The following TEX11 variants were observed in gnomAD, a reference collection of about 807,000 sequenced individuals.
TEX11 encodes testis expressed 11.
TEX11 carries 7 observed loss-of-function variants against 84.4 expected under a neutral mutation model. The ratio of observed to expected loss-of-function variants is 0.08; its 90% CI spans 0.05 to 0.16. The LOEUF is 0.16. Ranked by LOEUF, TEX11 falls within the 10% of genes least tolerant of loss-of-function variation. TEX11 has a pLI of 1.00. For synonymous variants in TEX11, 264 were observed against 222.8 expected (o/e 1.18, Z -1.64); for missense variants, 551 against 660.5 (o/e 0.83, Z 1.82).
chrX:70,875,926 A>G (rs747911284), intron 3 of TEX11, among the ~76,000 whole-genome samples: 1 of 112,008 alleles, frequency 8.9e-6, no homozygotes, highest in South Asian at 3.7e-4. Flanking sequence ...AACTTCAATA[A>G]AATATTGGAT....
chrX:70,872,707 C>T (rs190129959), intron 4 of TEX11, among the ~76,000 whole-genome samples: 1 of 111,987 alleles, frequency 8.9e-6, no homozygotes, highest in East Asian at 2.8e-4. Flanking sequence ...TTGTTGTTTG[C>T]TCTCACAGGT....
At chrX:70,777,899 A>G (rs1171768153) in intron 9 of TEX11, among the ~76,000 whole-genome samples, 1 of 112,010 alleles carries the variant, frequency 8.9e-6, no homozygotes, top group Non-Finnish European at 1.9e-5. Flanking sequence ...GTCCTTACTT[A>G]TCAATAATTA....
At chrX:70,566,492 A>T (rs1327198480) in intron 25 of TEX11, among the ~76,000 whole-genome samples, 1 of 110,889 alleles carries the variant, frequency 9.0e-6, no homozygotes, top group Non-Finnish European at 1.9e-5. Flanking sequence ...CAGTTTTCAA[A>T]GGGAATGCTT....
chrX:70,732,595 A>G (rs1182263440), intron 11 of TEX11, among the ~76,000 whole-genome samples: 6 of 111,671 alleles, frequency 5.4e-5, no homozygotes. Flanking sequence ...AACTTACAAA[A>G]GACATGAAGG....
At chrX:70,873,370 A>G (rs984623761) in intron 3 of TEX11, 63 bp from the exon 4 acceptor site, 1 of 764,430 alleles carries the variant, frequency 1.3e-6, no homozygotes. Flanking sequence ...CGGTATTTTC[A>G]TTCTTGAATG....
intron 2 of TEX11, among the ~76,000 whole-genome samples, chrX:70,888,483 A>G (rs1252093260): frequency 1.8e-5 from 2 of 112,339 alleles, no homozygotes; most frequent in African/African-American, 6.5e-5. Flanking sequence ...AAGCAAAAGA[A>G]AGATTTAGTG....
intron 17 of TEX11, among the ~76,000 whole-genome samples, chrX:70,639,400 A>T (rs1666165702): frequency 8.9e-6 from 1 of 112,102 alleles, no homozygotes; most frequent in South Asian, 3.7e-4. Flanking sequence ...GGAAGCTCGA[A>T]CTGAGTGGAG....
intron 3 of TEX11, among the ~76,000 whole-genome samples, chrX:70,873,509 T>C (rs143861163): frequency 9.0e-6 from 1 of 111,667 alleles, no homozygotes; most frequent in Non-Finnish European, 1.9e-5. Context: ...ACTTGTTCAT[T>C]CCTATCAATG....
intron 7 of TEX11, among the ~76,000 whole-genome samples, chrX:70,836,887 C>T (rs1028606741): frequency 3.6e-5 from 4 of 111,009 alleles, no homozygotes; most frequent in African/African-American, 6.6e-5. Flanking sequence ...CATGGTGGCA[C>T]GCACCTGTAG....
At chrX:70,548,697 T>C (rs1254897743) in intron 28 of TEX11, among the ~76,000 whole-genome samples, 1 of 111,776 alleles carries the variant, frequency 8.9e-6, no homozygotes, top group Non-Finnish European at 1.9e-5. Context: ...CTGATGCTCA[T>C]GGAGGGAGTA....
intron 9 of TEX11, among the ~76,000 whole-genome samples, chrX:70,752,368 T>C (rs1454033560): frequency 1.9e-5 from 2 of 107,858 alleles, no homozygotes; most frequent in African/African-American, 3.4e-5. Flanking sequence ...CTACCAAAAA[T>C]ACAAAAATTA....
chrX:70,729,861 A>G (rs2090631169), intron 11 of TEX11, among the ~76,000 whole-genome samples: 1 of 111,677 alleles, frequency 9.0e-6, no homozygotes, highest in Non-Finnish European at 1.9e-5. Flanking sequence ...TAATTGTCAG[A>G]TTCACCAAAG....
At chrX:70,548,186 C>T (rs1312819039) in intron 28 of TEX11, among the ~76,000 whole-genome samples, 1 of 108,711 alleles carries the variant, frequency 9.2e-6, no homozygotes, top group Non-Finnish European at 1.9e-5. Flanking sequence ...CCAAACACCA[C>T]ATGTTCTCAC....
chrX:70,812,446 A>T (rs1222983966), intron 8 of TEX11, among the ~76,000 whole-genome samples: 3 of 110,598 alleles, frequency 2.7e-5, no homozygotes, highest in African/African-American at 9.9e-5. Context: ...TGACCTCGTG[A>T]TCTGCCCGTC....
intron 25 of TEX11, among the ~76,000 whole-genome samples, chrX:70,588,095 G>A (rs961974458): frequency 8.9e-6 from 1 of 112,308 alleles, no homozygotes; most frequent in African/African-American, 3.2e-5. Flanking sequence ...TGGTTTTGCT[G>A]TTATAGGCTT....
chrX:70,535,690 G>A (rs768120993), intron 28 of TEX11, among the ~76,000 whole-genome samples: 3 of 110,542 alleles, frequency 2.7e-5, no homozygotes, highest in African/African-American at 9.8e-5. Flanking sequence ...CAAGGCTACA[G>A]TGAACCATCA....
intron 13 of TEX11, among the ~76,000 whole-genome samples, chrX:70,696,778 C>T (rs1277386495): frequency 8.4e-5 from 9 of 107,478 alleles, no homozygotes; most frequent in Non-Finnish European, 1.3e-4. Flanking sequence ...CAAAAACAAA[C>T]GAACAAACAA....
chrX:70,683,150 G>C (rs1331475032), intron 13 of TEX11, among the ~76,000 whole-genome samples: 1 of 111,190 alleles, frequency 9.0e-6, no homozygotes, highest in Non-Finnish European at 1.9e-5. Context: ...TACATGAAAA[G>C]ACATGAGAAA....
At chrX:70,628,943 A>G (rs1343496544) in intron 18 of TEX11, among the ~76,000 whole-genome samples, 2 of 112,670 alleles carry the variant, frequency 1.8e-5, no homozygotes, top group Non-Finnish European at 3.8e-5. Context: ...AAGTAGTTTT[A>G]AAAAGAAGAT....
Sources: allele counts gnomAD v4.1 joint callset (sites outside exome capture counted in the v4.1 genomes callset), GRCh38; gene constraint gnomAD v4.1.1; transcripts MANE v1.5; gene names NCBI Gene and HGNC (gene_info 2026-07-23, HGNC 2026-07-21).